The following SEMA4B variants were observed in gnomAD, a reference collection of about 807,000 sequenced individuals.
SEMA4B encodes semaphorin-4B.
SEMA4B carries 55 observed loss-of-function variants against 88.1 expected under a neutral mutation model. The observed-to-expected ratio is 0.62, with a 90% CI of 0.50 to 0.78. The LOEUF is 0.78. Ranked by LOEUF, SEMA4B falls within the 30% of genes least tolerant of loss-of-function variation. SEMA4B has a pLI of 0.00. For missense variants in SEMA4B, 1,062 were observed against 1,111.9 expected, an observed-to-expected ratio of 0.96 and a Z score of 0.64; for synonymous variants, 525 against 473.6, an observed-to-expected ratio of 1.11 and a Z score of -1.41.
chr15:90,222,804 A>C (rs1215904216), intron 7 of SEMA4B, among the ~76,000 whole-genome samples: 1 of 152,016 alleles, frequency 6.6e-6, no homozygotes, highest in Non-Finnish European at 1.5e-5. Flanking sequence ...TAATCCACGC[A>C]AAGCTCTTAG....
chr15:90,196,004 C>A (rs900568334), intron 1 of SEMA4B, among the ~76,000 whole-genome samples: 7 of 146,216 alleles, frequency 4.8e-5, no homozygotes, highest in Admixed American at 1.4e-4. Context: ...ACTGCGAGCT[C>A]TGCCTCCTGG....
chr15:90,188,675 T>C lies in SEMA4B; in HGVS notation c.-122+3594T>C, dbSNP rs114864059. On this transcript the variant is annotated intron_variant, in intron 1 of 14. Transcript: ENST00000332496. ...TAAATGTAGATCAGGATACGTATTG[T>C]CTTTTTTTGTTTGTTTTTTGAGACA... is the stretch of plus-strand genomic sequence containing the variant. 5.0e-3 allele frequency among the ~76,000 whole-genome samples: 762 copies of C among 152,100 alleles called. 11 individuals carry two copies. Among genetic ancestry groups the C allele is most frequent in the African/African-American group, 0.017 (710 of 41,492 alleles).
chr15:90,207,497 G>C (rs535080658), intron 1 of SEMA4B, among the ~76,000 whole-genome samples: 8 of 152,334 alleles, frequency 5.3e-5, no homozygotes, highest in African/African-American at 1.9e-4. Context: ...ACTGCTGTTG[G>C]ATGTGGAAGT....
At chr15:90,209,486 G>A (rs1023628417) in intron 1 of SEMA4B, among the ~76,000 whole-genome samples, 7 of 151,978 alleles carry the variant, frequency 4.6e-5, no homozygotes, top group Admixed American at 1.3e-4. Flanking sequence ...CGGAAGAATC[G>A]CTTGAACCCA....
Position 90,201,712 on chromosome 15 carries a change from GC to G in SEMA4B, c.139del (p.Arg47GlyfsTer29), listed in dbSNP as rs1251447122. On this transcript the variant is annotated frameshift_variant, in exon 1 of 14. Coordinates refer to ENST00000411539, the MANE Select transcript of SEMA4B (RefSeq NM_198925.4). LOFTEE classifies it high-confidence loss of function. ...CCGCCGCCTCCGACCTGGGCGCTCA[GC>G]CCCCGGATCAGCCTGCCTCTGGGTG... ...LQPPPPTWALSPRISLPLGSE... is the reference protein window; with the variant it reads ...LQPPPPTWALXPRISLPLGSE... The G allele has an allele frequency of 1.3e-6, 2 of 1,492,434 alleles. No homozygotes were observed. The highest frequency in any genetic ancestry group is 1.8e-6 in the Non-Finnish European group (2 of 1,126,386). 92.4% of individuals were successfully genotyped at this position (1,492,434 alleles called of 1,614,324 possible).
intron 1 of SEMA4B, among the ~76,000 whole-genome samples, chr15:90,185,250 G>T (rs1306030291): frequency 6.6e-6 from 1 of 152,216 alleles, no homozygotes; most frequent in Non-Finnish European, 1.5e-5. Flanking sequence ...GGGGCCCGCC[G>T]CCCGGGGAGC....
At chr15:90,187,388 C>G (rs1960195822) in intron 1 of SEMA4B, among the ~76,000 whole-genome samples, 2 of 152,186 alleles carry the variant, frequency 1.3e-5, no homozygotes, top group Admixed American at 1.3e-4. Flanking sequence ...GAGCAGAAGA[C>G]ATTTGCTGGG....
At chr15:90,198,332 T>C (rs1420416230), upstream of SEMA4B, among the ~76,000 whole-genome samples, 1 of 152,212 alleles carries the variant, frequency 6.6e-6, no homozygotes, top group Admixed American at 6.5e-5. Context: ...ATTCATCCAG[T>C]ACTTACTGAA....
intron 1 of SEMA4B, among the ~76,000 whole-genome samples, chr15:90,213,592 A>G (rs772983370): frequency 2.6e-5 from 4 of 152,196 alleles, no homozygotes; most frequent in Non-Finnish European, 5.9e-5. Context: ...CCCTTCTCCC[A>G]GGCGTAAGTG....
rs1596126298 is a variant in SEMA4B at position 90,201,372 on chromosome 15, C to A, written c.-207C>A. 8.0e-7 allele frequency: 1 copy of A among 1,250,832 alleles called. No individual in the cohort carries two copies. Among genetic ancestry groups the A allele is most frequent in the East Asian group, 3.3e-5 (1 of 29,856 alleles). 77.5% of individuals were successfully genotyped at this position (1,250,832 alleles called of 1,614,324 possible). On this transcript the variant is annotated 5_prime_UTR_variant, in exon 1 of 14. Transcript: ENST00000411539. ...GCCCAAGCCGAGGCTGCGGGGCCGGCGCCGGCGGGAGGACTGCGGTGCCCC... is the reference window on the plus strand; with the variant it reads ...GCCCAAGCCGAGGCTGCGGGGCCGGAGCCGGCGGGAGGACTGCGGTGCCCC...
chr15:90,206,959 A>C (rs879688660), intron 1 of SEMA4B: 74 of 582,032 alleles, frequency 1.3e-4, no homozygotes, highest in Middle Eastern at 5.1e-4. Context: ...CTTCTAATGC[A>C]AGAAATGAAG....
chr15:90,226,906 AGAT>A, intron 12 of SEMA4B, among the ~76,000 whole-genome samples: 1 of 151,864 alleles, frequency 6.6e-6, no homozygotes, highest in Middle Eastern at 3.4e-3. Context: ...TTTATTACAC[AGAT>A]GTATGCATGT....
At chr15:90,207,340 C>T (rs928365582) in intron 1 of SEMA4B, among the ~76,000 whole-genome samples, 1 of 151,658 alleles carries the variant, frequency 6.6e-6, no homozygotes, top group African/African-American at 2.4e-5. Flanking sequence ...AGACAGAAGC[C>T]ATCATTTTAC....
At chr15:90,227,749 C>T in intron 13 of SEMA4B, 107 bp downstream of exon 13, 1 of 1,460,950 alleles carries the variant, frequency 6.8e-7, no homozygotes, top group Non-Finnish European at 9.4e-7. Flanking sequence ...TCCTTGCCCC[C>T]TACCCCTGTA....
At chr15:90,210,523 G>A (rs1399238) in intron 1 of SEMA4B, among the ~76,000 whole-genome samples, 121,170 of 152,094 alleles carry the variant, frequency 0.8, 48,360 homozygotes, top group East Asian at 0.94. Context: ...GCCCAGGGTC[G>A]GGCGGCATCC....
rs367762136 is a variant in SEMA4B at position 90,209,051 on chromosome 15, AGT to A, written c.157+7320_157+7321del. Among the ~76,000 whole-genome samples, 127 of 152,150 alleles carry A rather than the reference AGT, an allele frequency of 8.3e-4. 1 individual carries two copies. The highest frequency in any genetic ancestry group is 2.8e-3 in the African/African-American group (115 of 41,512). On this transcript the variant is annotated intron_variant, in intron 1 of 13. Coordinates refer to ENST00000411539, the MANE Select transcript of SEMA4B (RefSeq NM_198925.4). ...AGTGCTTCTCAGACACACTTTTGTG[AGT>A]GTGATGCTTCAGGACCTCCACGTTG... is the stretch of plus-strand genomic sequence containing the variant.
At chr15:90,214,980 G>T (rs963666529) in intron 1 of SEMA4B, 1 of 1,276,630 alleles carries the variant, frequency 7.8e-7, no homozygotes, top group African/African-American at 1.5e-5. Context: ...CACACATGAA[G>T]TCATCTTCAC....
At position 90,212,342 on chromosome 15, in the gene SEMA4B, CG is replaced by C. The variant is rs1228157469; in HGVS notation, c.158-5093del. Among the ~76,000 whole-genome samples the C allele has an allele frequency of 6.6e-6, 1 of 152,108 alleles. No individual in the cohort carries two copies. Among genetic ancestry groups the C allele is most frequent in the Non-Finnish European group, 1.5e-5 (1 of 68,018 alleles). On this transcript the variant is annotated intron_variant, in intron 1 of 13. Coordinates refer to ENST00000411539, the MANE Select transcript of SEMA4B (RefSeq NM_198925.4). This position sits in a 1 kb window ranked among gnomAD's most constrained non-coding sequence, Gnocchi z 4.0. ...GGTGAAGCCCCTGGCTGAAGCCTGT[CG>C]GGGTGGAGGGAGAGGGTTCACCCTG...
upstream of SEMA4B, among the ~76,000 whole-genome samples, chr15:90,198,273 C>G (rs556883991): frequency 6.6e-6 from 1 of 152,186 alleles, no homozygotes; most frequent in African/African-American, 2.4e-5. Context: ...TGGTTGTCAG[C>G]TGACATGAGT....
Sources: gnomAD v4.1 joint callset for allele counts (sites outside exome capture counted in the v4.1 genomes callset) on GRCh38, gnomAD v4.1.1 for gene constraint, Gnocchi (gnomAD v3.1) non-coding constraint, MANE v1.5 for transcripts, NCBI Gene and HGNC (gene_info 2026-07-23, HGNC 2026-07-21) for gene names.